Variants in RELN observed in about 807,000 individuals in gnomAD.
RELN encodes the protein reelin.
RELN carries 108 observed loss-of-function variants against 427.6 expected under a neutral mutation model. The ratio of observed to expected loss-of-function variants is 0.25; its 90% confidence interval spans 0.22 to 0.30. The LOEUF (loss-of-function observed/expected upper bound fraction) is 0.30. Among genes scored for constraint, RELN ranks in the 10% least tolerant of loss-of-function variants. The pLI is 1.00. For missense variants in RELN, 3,715 were observed against 4,302.8 expected (o/e 0.86, Z 3.82); for synonymous variants, 1,524 against 1,513.4 (o/e 1.01, Z -0.16).
rs1366858175 is a variant in RELN at position 103,488,871 on chromosome 7, C to G, written c.9763+871G>C. ...TGGGGATATCATAGATAATAAGCGA[C>G]TGAAGAATAAGTTGGTGTATACTAT... is the stretch of plus-strand genomic sequence containing the variant. On this transcript the variant is annotated intron_variant, in intron 60 of 64. Transcript: ENST00000428762. Among the ~76,000 whole-genome samples the G allele has an allele frequency of 2.6e-5, 4 of 152,120 alleles. No homozygotes were observed. In the East Asian group the frequency reaches 7.7e-4, roughly 29 times the overall value.
At chr7:103,490,976 T>A (rs985905652) in intron 58 of RELN, 147 bp from the exon 59 acceptor site, 2 of 721,944 alleles carry the variant, frequency 2.8e-6, no homozygotes, top group Admixed American at 2.8e-5. Context: ...TTACAGATTA[T>A]AAAAAAATTA....
At chr7:103,773,037 T>C (rs1791608849) in intron 4 of RELN, among the ~76,000 whole-genome samples, 1 of 152,162 alleles carries the variant, frequency 6.6e-6, no homozygotes, top group Non-Finnish European at 1.5e-5. Flanking sequence ...AAGGAGGCAC[T>C]GCTGGGCCCT....
chr7:103,632,115 C>T (rs1832483005), intron 19 of RELN, among the ~76,000 whole-genome samples: 1 of 152,138 alleles, frequency 6.6e-6, no homozygotes, highest in Non-Finnish European at 1.5e-5. Flanking sequence ...ACTGAAGTGA[C>T]CAATATTTTC....
At chr7:103,941,319 G>T (rs1783240264) in intron 1 of RELN, among the ~76,000 whole-genome samples, 1 of 152,180 alleles carries the variant, frequency 6.6e-6, no homozygotes, top group Non-Finnish European at 1.5e-5. Context: ...TTTTAGGTAA[G>T]TGAACTTATT....
chr7:103,599,262 C>A (rs935405615), intron 24 of RELN, among the ~76,000 whole-genome samples: 26 of 151,026 alleles, frequency 1.7e-4, no homozygotes, highest in African/African-American at 6.3e-4. Context: ...TTTTTTCATT[C>A]ATTTATTCAG....
At chr7:103,698,479 C>G (rs1408549697) in intron 9 of RELN, among the ~76,000 whole-genome samples, 1 of 152,078 alleles carries the variant, frequency 6.6e-6, no homozygotes, top group Non-Finnish European at 1.5e-5. Context: ...CAATCTAAAA[C>G]AGGTTACCCA....
chr7:103,982,304 C>A (rs907578433), intron 1 of RELN, among the ~76,000 whole-genome samples: 6 of 152,282 alleles, frequency 3.9e-5, no homozygotes, highest in African/African-American at 1.4e-4. Flanking sequence ...AAAATACTCA[C>A]CTCCATGGCT....
intron 9 of RELN, 61 bp from the exon 10 acceptor site, chr7:103,698,154 A>AT: frequency 6.2e-7 from 1 of 1,605,538 alleles, no homozygotes; most frequent in South Asian, 1.1e-5. Context: ...TTAGAGATGA[A>AT]TTTTGTTTCT....
At chr7:103,797,237 GGATTA>G (rs1187404620) in intron 3 of RELN, among the ~76,000 whole-genome samples, 28 of 152,042 alleles carry the variant, frequency 1.8e-4, no homozygotes, top group African/African-American at 6.8e-4. Context: ...CGAGTAGCTG[GGATTA>G]CAGGCACCCA....
intron 60 of RELN, among the ~76,000 whole-genome samples, chr7:103,487,695 A>G (rs759420701): frequency 6.6e-6 from 1 of 152,104 alleles, no homozygotes; most frequent in African/African-American, 2.4e-5. Context: ...GTGAACTCTC[A>G]CCCTGGTATG....
Position 103,918,042 on chromosome 7 carries a change from A to G in RELN, c.227-857T>C, listed in dbSNP as rs75455159. 9.0e-3 allele frequency among the ~76,000 whole-genome samples: 1,375 copies of G among 152,260 alleles called. 18 individuals are homozygous for G. The highest frequency in any genetic ancestry group is 0.031 in the African/African-American group (1,278 of 41,558). ...TAGTGCACAGTACAAGGCTGTCATC[A>G]TCCTTGGTGGCAATAAGGAGAATGA... On this transcript the variant is annotated intron_variant, in intron 1 of 64. Transcript: ENST00000428762.
chr7:103,805,865 C>A (rs1306089204), intron 3 of RELN, among the ~76,000 whole-genome samples: 1 of 152,110 alleles, frequency 6.6e-6, no homozygotes, highest in East Asian at 1.9e-4. Flanking sequence ...ACAGTGATTG[C>A]CATCCCAAGA....
At chr7:103,838,548 A>C (rs1025175071) in intron 2 of RELN, among the ~76,000 whole-genome samples, 5 of 152,178 alleles carry the variant, frequency 3.3e-5, no homozygotes, top group African/African-American at 1.2e-4. Context: ...GGAAAATCAC[A>C]GAGTGCCCAA....
At chr7:103,897,716 C>G (rs992731504) in intron 2 of RELN, among the ~76,000 whole-genome samples, 3 of 152,010 alleles carry the variant, frequency 2.0e-5, no homozygotes, top group Non-Finnish European at 4.4e-5. Context: ...ACACAGACTC[C>G]TTCACAAATC....
At chr7:103,792,022 C>A (rs559804367) in intron 3 of RELN, among the ~76,000 whole-genome samples, 3 of 152,032 alleles carry the variant, frequency 2.0e-5, no homozygotes, top group East Asian at 3.9e-4. Context: ...AATGAAATAC[C>A]ATTCTACTCC....
intron 2 of RELN, among the ~76,000 whole-genome samples, chr7:103,907,594 C>A (rs368247509): frequency 5.9e-5 from 9 of 151,610 alleles, no homozygotes; most frequent in African/African-American, 2.2e-4. Context: ...TACAGGACTT[C>A]TTTTGGAGGT....
intron 2 of RELN, among the ~76,000 whole-genome samples, chr7:103,859,303 A>G (rs1794017596): frequency 6.6e-6 from 1 of 151,948 alleles, no homozygotes; most frequent in African/African-American, 2.4e-5. Flanking sequence ...TTATTTATTT[A>G]TTTGTTTTGG....
intron 3 of RELN, among the ~76,000 whole-genome samples, chr7:103,786,235 G>A (rs1792011504): frequency 6.6e-6 from 1 of 151,764 alleles, no homozygotes; most frequent in African/African-American, 2.4e-5. Context: ...TTCATACTAA[G>A]GAGAGATAAT....
Position 103,636,420 on chromosome 7 carries a change from T to C in RELN, c.2118A>G (p.Thr706=). Residue 706 remains threonine (T), a synonymous_variant, in exon 18 of 65, where the codon ACA becomes ACG. Coordinates refer to ENST00000428762, the MANE Select transcript of RELN (RefSeq NM_005045.4). ...SGPACEMASQ[T]FPMFISESFG... is the part of the protein sequence containing the mutation. ...AGCTTTCAGAAATAAACATTGGGAA[T>C]GTCTGGGATGCCATCTCACAAGCTG... 2 of 1,614,036 alleles carry C rather than the reference T, an allele frequency of 1.2e-6. No homozygotes were observed. The highest frequency in any genetic ancestry group is 1.7e-6 in the Non-Finnish European group (2 of 1,179,954).
Sources: allele counts gnomAD v4.1 joint callset (sites outside exome capture counted in the v4.1 genomes callset), GRCh38; gene constraint gnomAD v4.1.1; transcripts MANE v1.5; gene names NCBI Gene and HGNC (gene_info 2026-07-23, HGNC 2026-07-21).